NPEPPS: variants seen among roughly 807,000 people sequenced by gnomAD.
The protein encoded by NPEPPS is puromycin-sensitive aminopeptidase.
A neutral mutation model predicts 115.5 loss-of-function variants in NPEPPS; 14 were observed. That is an observed-to-expected ratio of 0.12 (90% CI 0.08 to 0.19). The LOEUF (loss-of-function observed/expected upper bound fraction) is 0.19. Among genes scored for constraint, NPEPPS ranks in the 10% least tolerant of loss-of-function variants. The pLI is 1.00. For synonymous variants in NPEPPS, 285 were observed against 390.6 expected, an observed-to-expected ratio of 0.73 and a Z score of 3.19; for missense variants, 523 against 1,110.8, an observed-to-expected ratio of 0.47 and a Z score of 7.52.
Position 47,622,710 on chromosome 17 carries a change from C to T in NPEPPS, c.*790C>T. The T allele has an allele frequency of 2.6e-6, 1 of 387,190 alleles. No individual in the cohort carries two copies. The allele number at this position is 387,190 out of a possible 1,614,324, so 24.0% of individuals were successfully genotyped here. ...ACATTAAATAAGAGAAACTGATATA[C>T]ATTATTTTTTTCTTTTTAAAGATGA... On this transcript the variant is annotated 3_prime_UTR_variant, in exon 23 of 23. Coordinates refer to ENST00000322157, the MANE Select transcript of NPEPPS (RefSeq NM_006310.4).
intron 22 of NPEPPS, among the ~76,000 whole-genome samples, chr17:47,621,543 T>A (rs569089009): frequency 1.1e-4 from 17 of 152,340 alleles, no homozygotes; most frequent in African/African-American, 3.6e-4. Context: ...TCTGTCTCTT[T>A]ATTAACTTTT....
chr17:47,582,678 T>C, intron 4 of NPEPPS, 64 bp from the exon 5 acceptor site: 1 of 906,478 alleles, frequency 1.1e-6, no homozygotes, highest in Non-Finnish European at 1.8e-6. Context: ...AAATGGTGAC[T>C]GCTTTATGAA....
At chr17:47,588,709 T>G (rs1375135638) in intron 9 of NPEPPS, among the ~76,000 whole-genome samples, 5 of 152,166 alleles carry the variant, frequency 3.3e-5, no homozygotes, top group African/African-American at 1.2e-4. Flanking sequence ...TGAGATAACT[T>G]TATGATTTTA....
At chr17:47,592,712 T>A (rs760643563) in intron 12 of NPEPPS, 167 bp downstream of exon 12, 2 of 566,924 alleles carry the variant, frequency 3.5e-6, no homozygotes, top group Non-Finnish European at 6.1e-6. Context: ...TCTCAAAATC[T>A]GAAATTTGAA....
intron 3 of NPEPPS, among the ~76,000 whole-genome samples, chr17:47,575,491 T>C (rs563873314): frequency 2.6e-5 from 4 of 151,176 alleles, no homozygotes; most frequent in Non-Finnish European, 4.4e-5. Context: ...ATTTTTGATA[T>C]TTTTGGCCAA....
chr17:47,609,750 G>A (rs909571057), intron 17 of NPEPPS, among the ~76,000 whole-genome samples: 9 of 152,120 alleles, frequency 5.9e-5, no homozygotes, highest in African/African-American at 2.2e-4. Flanking sequence ...ACAGGCACAT[G>A]CCATTCTGAT....
chr17:47,524,910 T>A (rs1907374001), intron 1 of NPEPPS, among the ~76,000 whole-genome samples: 1 of 151,090 alleles, frequency 6.6e-6, no homozygotes. Flanking sequence ...CCCAAATCTT[T>A]GTTAACTTTT....
chr17:47,565,267 T>C (rs1304595528), intron 2 of NPEPPS, among the ~76,000 whole-genome samples: 1 of 152,040 alleles, frequency 6.6e-6, no homozygotes, highest in Non-Finnish European at 1.5e-5. Context: ...TCCCAACACT[T>C]TGGGAGGCCG....
chr17:47,619,220 A>G, intron 21 of NPEPPS, 56 bp downstream of exon 21: 1 of 1,442,774 alleles, frequency 6.9e-7, no homozygotes, highest in East Asian at 2.4e-5. Flanking sequence ...AGTGACATCC[A>G]TGATTCACTA....
intron 2 of NPEPPS, among the ~76,000 whole-genome samples, chr17:47,547,483 T>C (rs1175521405): frequency 6.6e-6 from 1 of 152,082 alleles, no homozygotes; most frequent in African/African-American, 2.4e-5. Context: ...GTAGCTGATA[T>C]TACAGGTGTG....
At chr17:47,540,668 A>G (rs1392638949) in intron 1 of NPEPPS, among the ~76,000 whole-genome samples, 3 of 152,240 alleles carry the variant, frequency 2.0e-5, no homozygotes, top group Non-Finnish European at 2.9e-5. Context: ...CAGAAGCTTT[A>G]TAAACTGTTA....
At chr17:47,525,729 A>G (rs1417458662) in intron 1 of NPEPPS, among the ~76,000 whole-genome samples, 1 of 152,212 alleles carries the variant, frequency 6.6e-6, no homozygotes, top group Non-Finnish European at 1.5e-5. Flanking sequence ...TATGGGGCAT[A>G]CATCTTGTAC....
intron 2 of NPEPPS, among the ~76,000 whole-genome samples, chr17:47,558,275 G>GCC (rs1910193255): frequency 1.3e-5 from 2 of 151,554 alleles, no homozygotes; most frequent in African/African-American, 2.4e-5. Context: ...TTACAGGCTT[G>GCC]TGCCACCATT....
At chr17:47,534,628 G>A (rs752408606) in intron 1 of NPEPPS, among the ~76,000 whole-genome samples, 3 of 151,760 alleles carry the variant, frequency 2.0e-5, no homozygotes, top group East Asian at 2.0e-4. Context: ...GTGTGATCTC[G>A]ACTCACTGCA....
chr17:47,547,625 C>CAGG (rs1909311528), intron 2 of NPEPPS, among the ~76,000 whole-genome samples: 1 of 152,090 alleles, frequency 6.6e-6, no homozygotes, highest in Non-Finnish European at 1.5e-5. Flanking sequence ...TTGCAGGTTG[C>CAGG]TGGGATTACA....
intron 3 of NPEPPS, among the ~76,000 whole-genome samples, chr17:47,577,316 T>C (rs1013826183): frequency 1.5e-4 from 23 of 152,190 alleles, no homozygotes; most frequent in Admixed American, 9.2e-4. Flanking sequence ...ATTCCACTTA[T>C]GGAATTGTAA....
chr17:47,603,596 G>T, intron 15 of NPEPPS: 1 of 199,080 alleles, frequency 5.0e-6, no homozygotes, highest in Non-Finnish European at 1.0e-5. Flanking sequence ...CACTGTCCAG[G>T]TGTTTTCATA....
At chr17:47,602,151 GA>G (rs1913238609) in intron 15 of NPEPPS, among the ~76,000 whole-genome samples, 1 of 152,194 alleles carries the variant, frequency 6.6e-6, no homozygotes, top group Non-Finnish European at 1.5e-5. Context: ...TCGTGTCACT[GA>G]AATGTAAAAT....
In NPEPPS at chr17:47,570,497, C is replaced by T. The variant is rs181503187; in HGVS notation, c.418+1003C>T. 3.9e-5 allele frequency among the ~76,000 whole-genome samples: 6 copies of T among 152,298 alleles called. No homozygotes were observed. The East Asian group carries it at 1.2e-3, about 29-fold the overall frequency. On this transcript the variant is annotated intron_variant, in intron 3 of 22. Transcript: ENST00000322157. Reference sequence around the variant, plus strand: ...TCCAAATCCCTGAAGTGAATGGTCACAGATGATTTTGATATACAACCAGAG... The same window carrying T: ...TCCAAATCCCTGAAGTGAATGGTCATAGATGATTTTGATATACAACCAGAG...
Sources: allele counts gnomAD v4.1 joint callset (sites outside exome capture counted in the v4.1 genomes callset), GRCh38; gene constraint gnomAD v4.1.1; transcripts MANE v1.5; gene names NCBI Gene and HGNC (gene_info 2026-07-23, HGNC 2026-07-21).